Variants in TNRC6A observed in about 807,000 individuals in gnomAD.
TNRC6A encodes trinucleotide repeat-containing gene 6A protein.
In TNRC6A, 44 loss-of-function variants were observed where a neutral mutation model predicts 221.2. The ratio of observed to expected loss-of-function variants is 0.20; its 90% CI spans 0.16 to 0.26. The LOEUF (loss-of-function observed/expected upper bound fraction) is 0.26. Ranked by LOEUF, TNRC6A falls within the 10% of genes least tolerant of loss-of-function variation. The pLI is 1.00. For missense variants in TNRC6A, 2,199 were observed against 2,404.4 expected, an observed-to-expected ratio of 0.91 and a Z score of 1.79; for synonymous variants, 847 against 838.5, an observed-to-expected ratio of 1.01 and a Z score of -0.18.
At position 24,823,212 on chromosome 16, in the gene TNRC6A, T is replaced by G. The variant is rs2058802952; in HGVS notation, c.5513+199T>G. 6.6e-6 allele frequency among the ~76,000 whole-genome samples: 1 copy of G among 152,170 alleles called. No homozygotes were observed. Among genetic ancestry groups the G allele is most frequent in the African/African-American group, 2.4e-5 (1 of 41,442 alleles). ...CCTAGAAAGTCCCTTACGTTGCCCA[T>G]GGCAGACAGAGGAAGTTCGCTCTGG... is the stretch of plus-strand genomic sequence containing the variant. On this transcript the variant is annotated intron_variant, in intron 24 of 24. Transcript: ENST00000395799. The surrounding 1 kb of genome is among the most constrained non-coding windows in gnomAD (Gnocchi z 4.3).
chr16:24,783,527 A>ATTT (rs5816267), intron 5 of TNRC6A, among the ~76,000 whole-genome samples: 4 of 145,444 alleles, frequency 2.8e-5, no homozygotes, highest in South Asian at 2.2e-4. Context: ...ATTATGTACA[A>ATTT]TTTTTTTTTT....
At position 24,816,604 on chromosome 16, in the gene TNRC6A, A is replaced by T. The variant is rs76406637; in HGVS notation, c.4832-212A>T. ...GGTATGTATATTCACATTCAGTGAGATGATTTCAGTTGTAAAAACTTGCAA... is the reference window on the plus strand; with the variant it reads ...GGTATGTATATTCACATTCAGTGAGTTGATTTCAGTTGTAAAAACTTGCAA... On this transcript the variant is annotated intron_variant, in intron 19 of 24. Coordinates refer to ENST00000395799, the MANE Select transcript of TNRC6A (RefSeq NM_014494.4). 3.4e-3 allele frequency: 1,850 copies of T among 542,676 alleles called. 39 individuals carry two copies. The highest frequency in any genetic ancestry group is 0.032 in the African/African-American group (1,685 of 52,568). 33.6% of individuals were successfully genotyped at this position (542,676 alleles called of 1,614,324 possible). A position where few individuals can be genotyped will look rare whatever the true frequency, so the allele number is the denominator to read the frequency against.
At chr16:24,820,051 T>A in intron 21 of TNRC6A, 88 bp from the exon 22 acceptor site, 1 of 1,271,466 alleles carries the variant, frequency 7.9e-7, no homozygotes. Context: ...TAGATTTGCT[T>A]TTTGTGGGAG....
chr16:24,744,390 T>C (rs565661357), intron 2 of TNRC6A, among the ~76,000 whole-genome samples: 14 of 152,332 alleles, frequency 9.2e-5, no homozygotes, highest in Admixed American at 3.3e-4. Flanking sequence ...CTCATCAATG[T>C]GCTTGCCTTA....
At chr16:24,681,218 T>A (rs2142059729) in intron 2 of TNRC6A, among the ~76,000 whole-genome samples, 1 of 152,300 alleles carries the variant, frequency 6.6e-6, no homozygotes, top group South Asian at 2.1e-4. Context: ...TACCATTTTT[T>A]AACTTGGTGT....
At chr16:24,720,363 G>C (rs374194680) in intron 2 of TNRC6A, among the ~76,000 whole-genome samples, 1 of 150,768 alleles carries the variant, frequency 6.6e-6, no homozygotes, top group Non-Finnish European at 1.5e-5. Flanking sequence ...GATCACACCC[G>C]TCTGGGTGAC....
At chr16:24,657,084 A>G (rs2054926987) in intron 2 of TNRC6A, among the ~76,000 whole-genome samples, 1 of 151,148 alleles carries the variant, frequency 6.6e-6, no homozygotes, top group South Asian at 2.1e-4. Context: ...AGGCCAAGGC[A>G]AAAGAATCAC....
chr16:24,777,068 AACAGCAGCAGCCGCAGCAGCAGCAGCC>A lies in TNRC6A; in HGVS notation c.312_338del (p.Gln106_Gln114del), dbSNP rs1309067505. On this transcript the variant is annotated inframe_deletion, in exon 5 of 25. Coordinates refer to ENST00000395799, the MANE Select transcript of TNRC6A (RefSeq NM_014494.4). ...AATCAGCAGCCACAGCAGCAGCAGC[AACAGCAGCAGCCGCAGCAGCAGCAGCC>A]ACAGCAGCAGCCACAGCCGCAGCCG... The A allele has an allele frequency of 3.1e-5, 50 of 1,608,336 alleles. No individual in the cohort carries two copies. The East Asian group carries it at 8.0e-4, about 26-fold the overall frequency.
At chr16:24,665,061 T>C in intron 2 of TNRC6A, 1 of 446,098 alleles carries the variant, frequency 2.2e-6, no homozygotes, top group Non-Finnish European at 4.5e-6. Flanking sequence ...CTTATTTATT[T>C]ATTTGTTTGT....
intron 2 of TNRC6A, among the ~76,000 whole-genome samples, chr16:24,739,677 C>T (rs2056851247): frequency 2.0e-5 from 3 of 151,914 alleles, no homozygotes; most frequent in African/African-American, 7.3e-5. Flanking sequence ...CAGAATTTCA[C>T]CATGTTGGCC....
intron 17 of TNRC6A, among the ~76,000 whole-genome samples, chr16:24,808,822 C>G (rs1376620029): frequency 6.6e-6 from 1 of 152,132 alleles, no homozygotes; most frequent in East Asian, 1.9e-4. Context: ...TTAATAGTCC[C>G]TAGATTACTC....
At chr16:24,632,057 C>A (rs1446664045) in intron 1 of TNRC6A, among the ~76,000 whole-genome samples, 1 of 151,964 alleles carries the variant, frequency 6.6e-6, no homozygotes, top group Non-Finnish European at 1.5e-5. Flanking sequence ...TGCTATATTG[C>A]CCAGGCTGGT....
At chr16:24,739,012 G>A (rs1178847833) in intron 2 of TNRC6A, among the ~76,000 whole-genome samples, 10 of 152,054 alleles carry the variant, frequency 6.6e-5, no homozygotes, top group Admixed American at 5.9e-4. Context: ...ATGCCACCAC[G>A]CCTGGCTAAT....
chr16:24,734,764 AAT>A (rs1467805019), intron 2 of TNRC6A, among the ~76,000 whole-genome samples: 5 of 152,220 alleles, frequency 3.3e-5, no homozygotes, highest in Non-Finnish European at 7.3e-5. Context: ...CAGTTATCTC[AAT>A]ATGTTATGTT....
chr16:24,818,832 T>C, intron 21 of TNRC6A, 132 bp downstream of exon 21: 3 of 724,296 alleles, frequency 4.1e-6, no homozygotes, highest in Non-Finnish European at 7.3e-6. Flanking sequence ...TGGGAAATTA[T>C]TTTTAACATC....
intron 5 of TNRC6A, among the ~76,000 whole-genome samples, chr16:24,781,054 T>C (rs931978884): frequency 2.2e-5 from 3 of 139,356 alleles, no homozygotes; most frequent in Non-Finnish European, 4.6e-5. Flanking sequence ...TTTTTTTTTT[T>C]TTTTTTTTTT....
rs113496383 is a variant in TNRC6A, at chr16:24,734,094, G to C, written c.53+3794G>C. On this transcript the variant is annotated intron_variant, in intron 2 of 24. Coordinates refer to ENST00000395799, the MANE Select transcript of TNRC6A (RefSeq NM_014494.4). ...GGAGGCTGAGGTGGGAGGTTTGCTTGAGCCCAGCAGTTTGAGGCTTCAGTG... is the reference window on the plus strand; with the variant it reads ...GGAGGCTGAGGTGGGAGGTTTGCTTCAGCCCAGCAGTTTGAGGCTTCAGTG... 7.9e-5 allele frequency among the ~76,000 whole-genome samples: 12 copies of C among 152,284 alleles called. 1 individual carries two copies. Among genetic ancestry groups the C allele is most frequent in the African/African-American group, 2.6e-4 (11 of 41,564 alleles).
intron 2 of TNRC6A, among the ~76,000 whole-genome samples, chr16:24,711,028 A>ACCACAC (rs1047499063): frequency 3.8e-4 from 57 of 151,812 alleles, no homozygotes; most frequent in African/African-American, 1.2e-3. Context: ...CGCATGTGCC[A>ACCACAC]CCACACCGGG....
chr16:24,760,098 T>C (rs541005346), intron 4 of TNRC6A, among the ~76,000 whole-genome samples: 10 of 152,308 alleles, frequency 6.6e-5, no homozygotes, highest in Admixed American at 2.0e-4. Flanking sequence ...TCAGTCCTTA[T>C]ACTTTTTAGA....
Sources: gnomAD v4.1 joint callset for allele counts (sites outside exome capture counted in the v4.1 genomes callset) on GRCh38, gnomAD v4.1.1 for gene constraint, Gnocchi (gnomAD v3.1) non-coding constraint, MANE v1.5 for transcripts, NCBI Gene and HGNC (gene_info 2026-07-23, HGNC 2026-07-21) for gene names.